GALNT17: variants seen among roughly 807,000 people sequenced by gnomAD.
GALNT17 encodes UDP-GalNAc:polypeptide N-acetylgalactosaminyltransferase-like 3.
A neutral mutation model predicts 63.7 loss-of-function variants in GALNT17; 29 were observed. The observed-to-expected ratio is 0.46, with a 90% CI of 0.34 to 0.62. The LOEUF is 0.62. GALNT17 is among the 20% of genes least tolerant of loss of function. The probability of loss-of-function intolerance (pLI) is 0.01; values close to 1 mark genes in which losing one functional copy is unlikely to be tolerated. For missense variants in GALNT17, 603 were observed against 799.6 expected, an observed-to-expected ratio of 0.75 and a Z score of 2.97; for synonymous variants, 305 against 318.3, an observed-to-expected ratio of 0.96 and a Z score of 0.45.
At chr7:71,228,392 A>G (rs74875290) in intron 1 of GALNT17, among the ~76,000 whole-genome samples, 4,312 of 152,234 alleles carry the variant, frequency 0.028, 213 homozygotes, top group African/African-American at 0.097. Context: ...TCCTGTCTAG[A>G]AGCCATTGCC....
chr7:71,328,111 T>C (rs1303655373), intron 1 of GALNT17, among the ~76,000 whole-genome samples: 1 of 152,170 alleles, frequency 6.6e-6, no homozygotes, highest in African/African-American at 2.4e-5. Context: ...ATATTTGATA[T>C]GGTTGCAGTA....
chr7:71,319,096 A>ATCTATCTTTCTTTTCTTTCTT (rs779161547), intron 1 of GALNT17, among the ~76,000 whole-genome samples: 3 of 131,882 alleles, frequency 2.3e-5, no homozygotes, highest in Admixed American at 7.6e-5. Context: ...ATTTTTGTTT[A>ATCTATCTTTCTTTTCTTTCTT]TCTTTCTTTC....
In GALNT17 at chr7:71,203,619, A is replaced by G. The variant is rs1410327892; in HGVS notation, c.238+70579A>G. ...AAATACCTGAGACTGGGTAATTTTT[A>G]ATAAAAGAGATTTAATTGGCTCATG... On this transcript the variant is annotated intron_variant, in intron 1 of 10. Transcript: ENST00000333538. Among the ~76,000 whole-genome samples the G allele has an allele frequency of 2.6e-5, 4 of 152,318 alleles. No individual in the cohort carries two copies. In the East Asian group the frequency reaches 7.7e-4, roughly 29 times the overall value.
At chr7:71,671,012 A>C (rs1443239947) in intron 8 of GALNT17, among the ~76,000 whole-genome samples, 1 of 152,100 alleles carries the variant, frequency 6.6e-6, no homozygotes, top group East Asian at 1.9e-4. Flanking sequence ...AATTTTACTC[A>C]ATAATATGGA....
chr7:71,354,591 G>A (rs1792248600), intron 2 of GALNT17, among the ~76,000 whole-genome samples: 1 of 151,958 alleles, frequency 6.6e-6, no homozygotes, highest in Admixed American at 6.6e-5. Flanking sequence ...TTAGGCTATG[G>A]TGTATTATTT....
intron 5 of GALNT17, among the ~76,000 whole-genome samples, chr7:71,497,449 G>A (rs116700154): frequency 4.1e-4 from 62 of 152,244 alleles, no homozygotes; most frequent in African/African-American, 1.4e-3. Flanking sequence ...CACATTCTGG[G>A]TGTGTCTCTG....
Position 71,216,389 on chromosome 7 carries a change from TG to T in GALNT17, c.238+83354del, listed in dbSNP as rs1562922853. Among the ~76,000 whole-genome samples, 6 of 152,290 alleles carry T rather than the reference TG, an allele frequency of 3.9e-5. No individual in the cohort carries two copies. The South Asian group carries it at 1.2e-3, about 32-fold the overall frequency. ...TTTTGTGGACTTTGTGAAGTAGCTC[TG>T]GGGGAACGCCAGAAGCCTCAGACCA... On this transcript the variant is annotated intron_variant, in intron 1 of 10. Transcript: ENST00000333538.
chr7:71,365,524 G>A (rs998020065), intron 2 of GALNT17, among the ~76,000 whole-genome samples: 2 of 152,226 alleles, frequency 1.3e-5, no homozygotes, highest in African/African-American at 4.8e-5. Flanking sequence ...ATAGGCGTGA[G>A]CCACAGCGCC....
chr7:71,201,256 T>TATATATATATATATATATATATAA (rs1562909684), intron 1 of GALNT17, among the ~76,000 whole-genome samples: 1 of 149,570 alleles, frequency 6.7e-6, no homozygotes, highest in Admixed American at 6.6e-5. Flanking sequence ...TATATATATA[T>TATATATATATATATATATATATAA]AATTTGTGTG....
intron 5 of GALNT17, among the ~76,000 whole-genome samples, chr7:71,472,710 C>CTAAACTAAAA (rs1787655040): frequency 6.6e-6 from 1 of 152,050 alleles, no homozygotes; most frequent in African/African-American, 2.4e-5. Context: ...CTAAACTAAA[C>CTAAACTAAAA]TAAAATAAAT....
In GALNT17 at chr7:71,213,648, T is replaced by G. The variant is rs571130276; in HGVS notation, c.238+80608T>G. 1.3e-4 allele frequency among the ~76,000 whole-genome samples: 19 copies of G among 151,718 alleles called. No individual in the cohort carries two copies. In the South Asian group the frequency reaches 3.8e-3, roughly 31 times the overall value. Reference sequence around the variant, plus strand: ...TTTATCCATGTGTAACAGATTTCACTTAACTAATCCAGTCAGGAACTCCTT... The same window carrying G: ...TTTATCCATGTGTAACAGATTTCACGTAACTAATCCAGTCAGGAACTCCTT... On this transcript the variant is annotated intron_variant, in intron 1 of 10. Transcript: ENST00000333538.
At chr7:71,251,202 G>T (rs1403306566) in intron 1 of GALNT17, among the ~76,000 whole-genome samples, 1 of 150,072 alleles carries the variant, frequency 6.7e-6, no homozygotes, top group Non-Finnish European at 1.5e-5. Context: ...AACTCTGAAA[G>T]AGAATCACAA....
intron 6 of GALNT17, among the ~76,000 whole-genome samples, chr7:71,617,353 G>A (rs1437846764): frequency 2.0e-5 from 3 of 149,166 alleles, no homozygotes; most frequent in Admixed American, 6.7e-5. Flanking sequence ...TTGAGACGGA[G>A]TCTCTGTCAC....
intron 1 of GALNT17, among the ~76,000 whole-genome samples, chr7:71,157,609 G>A (rs1788260881): frequency 6.6e-6 from 1 of 151,854 alleles, no homozygotes; most frequent in Non-Finnish European, 1.5e-5. Flanking sequence ...AGCGAGCCGA[G>A]ATTGCGCCAC....
intron 1 of GALNT17, among the ~76,000 whole-genome samples, chr7:71,180,907 G>A (rs1272932977): frequency 1.3e-5 from 2 of 152,130 alleles, no homozygotes; most frequent in Non-Finnish European, 1.5e-5. Context: ...TGATGAACAC[G>A]GTCATTGTGG....
intron 1 of GALNT17, among the ~76,000 whole-genome samples, chr7:71,163,805 C>G (rs752243509): frequency 6.6e-6 from 1 of 152,120 alleles, no homozygotes. Flanking sequence ...TGATGCAGAT[C>G]GAAAAGGGAT....
chr7:71,497,866 C>A (rs958700172), intron 5 of GALNT17, among the ~76,000 whole-genome samples: 4 of 152,206 alleles, frequency 2.6e-5, no homozygotes, highest in African/African-American at 9.6e-5. Context: ...TTTTGTCTTA[C>A]AGATGGCTGA....
intron 6 of GALNT17, among the ~76,000 whole-genome samples, chr7:71,634,481 C>T (rs138979769): frequency 2.0e-4 from 31 of 152,228 alleles, no homozygotes; most frequent in African/African-American, 5.5e-4. Flanking sequence ...AAGCCAGGCA[C>T]GGTGGCTCAC....
chr7:71,626,042 G>T (rs377572697), intron 6 of GALNT17, among the ~76,000 whole-genome samples: 3 of 152,026 alleles, frequency 2.0e-5, no homozygotes, highest in Non-Finnish European at 2.9e-5. Flanking sequence ...TCAGGAGAGC[G>T]AGACCATCCT....
Sources: gnomAD v4.1 joint callset for allele counts (sites outside exome capture counted in the v4.1 genomes callset) on GRCh38, gnomAD v4.1.1 for gene constraint, MANE v1.5 for transcripts, NCBI Gene and HGNC (gene_info 2026-07-23, HGNC 2026-07-21) for gene names.